The following KCNA2 variants were observed in gnomAD, a reference collection of about 807,000 sequenced individuals.
KCNA2 encodes potassium voltage-gated channel subfamily A member 2.
In KCNA2, 11 loss-of-function variants were observed where a neutral mutation model predicts 33.4. The observed-to-expected ratio is 0.33, with a 90% CI of 0.21 to 0.55. The LOEUF is 0.55. Among genes scored for constraint, KCNA2 ranks in the 20% least tolerant of loss-of-function variants. The pLI, the probability that KCNA2 is intolerant of heterozygous loss-of-function variation, is 0.93. For synonymous variants in KCNA2, 222 were observed against 231.3 expected (o/e 0.96, Z 0.37); for missense variants, 291 against 621.6 (o/e 0.47, Z 5.66).
intron 1 of KCNA2, among the ~76,000 whole-genome samples, chr1:110,616,628 C>T (rs1650075565): frequency 6.6e-6 from 1 of 152,194 alleles, no homozygotes. Context: ...AGGATAATTC[C>T]TAACAGAGGC....
chr1:110,613,371 C>T (rs1649941783), intron 1 of KCNA2, among the ~76,000 whole-genome samples: 1 of 152,268 alleles, frequency 6.6e-6, no homozygotes, highest in Admixed American at 6.5e-5. Context: ...CATGTCTCTT[C>T]TGCCCTTGCA....
intron 1 of KCNA2, among the ~76,000 whole-genome samples, chr1:110,618,271 C>A (rs2101451073): frequency 6.6e-6 from 1 of 152,314 alleles, no homozygotes; most frequent in South Asian, 2.1e-4. Flanking sequence ...CACTTGAGTC[C>A]AAGAGTTCGA....
At chr1:110,622,475 T>C (rs1000132864) in intron 1 of KCNA2, among the ~76,000 whole-genome samples, 1 of 152,122 alleles carries the variant, frequency 6.6e-6, no homozygotes, top group Non-Finnish European at 1.5e-5. Context: ...TAAGATTCTA[T>C]TGGAGCTTGT....
At position 110,604,125 on chromosome 1, in the gene KCNA2, C is replaced by T; in HGVS notation, c.658G>A (p.Asp220Asn). Residue 220 changes from aspartate (D) to asparagine (N), a missense_variant, in exon 3 of 3, where the codon GAC (aspartate) becomes AAC (asparagine). By Grantham distance (23) the Asp-to-Asn change is conservative. Around this residue, in one of 5 missense-constraint regions of KCNA2, gnomAD observed 43 missense variants for 159.4 expected, o/e 0.27. Transcript: ENST00000316361. This position sits in a 1 kb window ranked among gnomAD's most constrained non-coding sequence, Gnocchi z 7.6. ...IGYQQSTSFT[D>N]PFFIVETLCI... ...AGTGTCTCTACAATGAAGAAAGGGT[C>T]TGTGAAGGAAGTGGACTGCTGGTAC... 6.2e-7 allele frequency: 1 copy of T among 1,614,178 alleles called. No individual in the cohort carries two copies. The highest frequency in any genetic ancestry group is 8.5e-7 in the Non-Finnish European group (1 of 1,180,032).
Position 110,593,830 on chromosome 1 carries a change from C to G in KCNA2, c.*9453G>C, listed in dbSNP as rs1648969225. 8.4e-6 allele frequency: 13 copies of G among 1,545,602 alleles called. No homozygotes were observed. The highest frequency in any genetic ancestry group is 2.5e-5 in the East Asian group (1 of 40,760). On this transcript the variant is annotated 3_prime_UTR_variant, in exon 3 of 3. Transcript: ENST00000316361. ...CACAGGAACTCTCAGCTGCAGAAGT[C>G]CTGGGTGGGGCAGTGTTGGTGGGGC...
At position 110,598,100 on chromosome 1, in the gene KCNA2, G is replaced by A. The variant is rs538623127; in HGVS notation, c.*5183C>T. The A allele has an allele frequency of 1.0e-6, 1 of 979,804 alleles. No homozygotes were observed. The highest frequency in any genetic ancestry group is 1.1e-4 in the East Asian group (1 of 8,768). The allele number at this position is 979,804 out of a possible 1,614,324, so 60.7% of individuals were successfully genotyped here. On this transcript the variant is annotated 3_prime_UTR_variant, in exon 3 of 3. Transcript: ENST00000316361. ...GGCTCAGGTGACTGATGATGTTAAT[G>A]AGGTTAAGGTCATGAGTTCAAACCC...
intron 1 of KCNA2, among the ~76,000 whole-genome samples, chr1:110,615,499 C>T (rs1650020723): frequency 6.6e-6 from 1 of 152,194 alleles, no homozygotes; most frequent in African/African-American, 2.4e-5. Context: ...CCAAACTCTC[C>T]TGCTATGAGG....
chr1:110,610,985 A>C (rs1649845933), upstream of KCNA2, among the ~76,000 whole-genome samples: 1 of 150,804 alleles, frequency 6.6e-6, no homozygotes. Flanking sequence ...AGCCCCGCCC[A>C]CCCCCTTGCT....
intron 1 of KCNA2, among the ~76,000 whole-genome samples, chr1:110,627,294 G>T (rs1449025336): frequency 6.6e-6 from 1 of 152,222 alleles, no homozygotes; most frequent in Non-Finnish European, 1.5e-5. Context: ...AGTTGTTCAG[G>T]ATTAATGAGA....
At chr1:110,619,708 G>A (rs1650185664) in intron 1 of KCNA2, among the ~76,000 whole-genome samples, 2 of 152,236 alleles carry the variant, frequency 1.3e-5, no homozygotes, top group South Asian at 4.1e-4. Flanking sequence ...GAGATAAAAG[G>A]TCAGGGGAGA....
Position 110,597,110 on chromosome 1 carries a change from A to T in KCNA2, c.*6173T>A. On this transcript the variant is annotated 3_prime_UTR_variant, in exon 3 of 3. Coordinates refer to ENST00000316361, the MANE Select transcript of KCNA2 (RefSeq NM_004974.4). ...CTGCTTCCTTCTGCAGCTCTCACGG[A>T]GTCCCTTTGGTTGAGCAAGTCAGCT... 1 of 985,460 alleles carries T rather than the reference A, an allele frequency of 1.0e-6. No homozygotes were observed. The highest frequency in any genetic ancestry group is 1.2e-6 in the Non-Finnish European group (1 of 829,966). The allele number at this position is 985,460 out of a possible 1,614,324, so 61.0% of individuals were successfully genotyped here. A position where few individuals can be genotyped will look rare whatever the true frequency, so the allele number is the denominator to read the frequency against.
At chr1:110,619,123 G>T (rs1260995322) in intron 1 of KCNA2, among the ~76,000 whole-genome samples, 2 of 152,150 alleles carry the variant, frequency 1.3e-5, no homozygotes, top group Non-Finnish European at 2.9e-5. Flanking sequence ...ACCCTCTGCA[G>T]CTGCCTCCTT....
At chr1:110,629,356 A>G (rs1371053834) in intron 1 of KCNA2, among the ~76,000 whole-genome samples, 4 of 152,244 alleles carry the variant, frequency 2.6e-5, no homozygotes, top group Admixed American at 2.6e-4. Flanking sequence ...CATTTTTATT[A>G]TAGAAATTGA....
At position 110,602,077 on chromosome 1, in the gene KCNA2, C is replaced by T. The variant is rs1274937249; in HGVS notation, c.*1206G>A. The stretch of plus-strand genomic sequence containing the variant: ...GCCCTGGTCCACTGTACAGTCATGC[C>T]CGCGACTAGGTTAATTCCTAAGGTG... On this transcript the variant is annotated 3_prime_UTR_variant, in exon 3 of 3. Transcript: ENST00000316361. 1.3e-6 allele frequency: 2 copies of T among 1,550,354 alleles called. No homozygotes were observed. The highest frequency in any genetic ancestry group is 2.7e-5 in the African/African-American group (2 of 73,004).
chr1:110,617,338 C>T (rs528203282), intron 1 of KCNA2, among the ~76,000 whole-genome samples: 2 of 152,274 alleles, frequency 1.3e-5, no homozygotes, highest in African/African-American at 4.8e-5. Flanking sequence ...GATGGAGTGC[C>T]AGGAGCGAGC....
chr1:110,623,654 C>T (rs1174872840), intron 1 of KCNA2, among the ~76,000 whole-genome samples: 3 of 152,190 alleles, frequency 2.0e-5, no homozygotes, highest in African/African-American at 7.2e-5. Flanking sequence ...TTTGGACTCC[C>T]AAAATCCTGG....
In KCNA2 at chr1:110,601,927, T is replaced by C. The variant is rs1649371737; in HGVS notation, c.*1356A>G. 1 of 1,485,504 alleles carries C rather than the reference T, an allele frequency of 6.7e-7. No individual in the cohort carries two copies. Among genetic ancestry groups the C allele is most frequent in the Non-Finnish European group, 8.9e-7 (1 of 1,118,702 alleles). The allele number at this position is 1,485,504 out of a possible 1,614,324, so 92.0% of individuals were successfully genotyped here. A position where few individuals can be genotyped will look rare whatever the true frequency, so the allele number is the denominator to read the frequency against. ...CTTTGTCAAAAATATTGCATAAGCT[T>C]GTACAATGTTCAAATGCAATTTCTT... On this transcript the variant is annotated 3_prime_UTR_variant, in exon 3 of 3. Coordinates refer to ENST00000316361, the MANE Select transcript of KCNA2 (RefSeq NM_004974.4).
At chr1:110,613,951 T>G (rs1649969014) in intron 1 of KCNA2, among the ~76,000 whole-genome samples, 1 of 152,230 alleles carries the variant, frequency 6.6e-6, no homozygotes, top group African/African-American at 2.4e-5. Context: ...GTCTTCCAGC[T>G]TCTGCTCACA....
In KCNA2 at chr1:110,604,699, G is replaced by T; in HGVS notation, c.84C>A (p.Asp28Glu). 1.2e-6 allele frequency: 2 copies of T among 1,614,154 alleles called. No individual in the cohort carries two copies. The highest frequency in any genetic ancestry group is 1.7e-6 in the Non-Finnish European group (2 of 1,180,022). The change falls in exon 3 of 3, where the codon GAC becomes GAA. Residue 28 changes from aspartate (D) to glutamate (E), a missense_variant. Physicochemically the swap from Asp to Glu is conservative, Grantham distance 45. Around this residue, in one of 5 missense-constraint regions of KCNA2, gnomAD observed 163 missense variants for 273.5 expected, o/e 0.60. Coordinates refer to ENST00000316361, the MANE Select transcript of KCNA2 (RefSeq NM_004974.4). The surrounding 1 kb of genome is among the most constrained non-coding windows in gnomAD (Gnocchi z 7.6). Reference protein sequence around the residue: ...HPQDTYDPEADHECCERVVIN... With the variant: ...HPQDTYDPEAEHECCERVVIN... ...TCACCACCCTCTCACAGCACTCGTG[G>T]TCTGCCTCTGGGTCATAGGTGTCCT...
Sources: allele counts gnomAD v4.1 joint callset (sites outside exome capture counted in the v4.1 genomes callset), GRCh38; gene constraint gnomAD v4.1.1; regional missense constraint gnomAD v4.1.1; non-coding constraint Gnocchi (gnomAD v3.1); transcripts MANE v1.5; gene names NCBI Gene and HGNC (gene_info 2026-07-23, HGNC 2026-07-21).